The following MTHFD2L variants were observed in gnomAD, a reference collection of about 807,000 sequenced individuals.
The protein encoded by MTHFD2L is bifunctional methylenetetrahydrofolate dehydrogenase/cyclohydrolase 2, mitochondrial.
A neutral mutation model predicts 34.9 loss-of-function variants in MTHFD2L; 29 were observed. That is an observed-to-expected ratio of 0.83 (90% CI 0.62 to 1.13). The LOEUF (loss-of-function observed/expected upper bound fraction) is 1.13, where lower values mean the gene tolerates loss of function less well. MTHFD2L is among the 50% of genes most tolerant of loss of function. The pLI is 0.00. For synonymous variants in MTHFD2L, 167 were observed against 155.7 expected, an observed-to-expected ratio of 1.07 and a Z score of -0.54; for missense variants, 481 against 446.5, an observed-to-expected ratio of 1.08 and a Z score of -0.70.
chr4:74,153,849 G>A (rs1416632229), upstream of MTHFD2L, among the ~76,000 whole-genome samples: 3 of 152,018 alleles, frequency 2.0e-5, no homozygotes, highest in East Asian at 1.9e-4. Context: ...TAGTTTTTCC[G>A]ATTATTAACA....
chr4:74,142,169 G>A (rs982571053), intron 1 of MTHFD2L, among the ~76,000 whole-genome samples: 8 of 152,196 alleles, frequency 5.3e-5, no homozygotes, highest in African/African-American at 1.2e-4. Context: ...GAGCATAGCT[G>A]CACTACAAAA....
At chr4:74,117,106 T>G (rs916835815) in intron 2 of MTHFD2L, among the ~76,000 whole-genome samples, 16 of 152,184 alleles carry the variant, frequency 1.1e-4, no homozygotes, top group African/African-American at 3.9e-4. Flanking sequence ...AAAGGGATTT[T>G]AAAGGGAGAT....
At chr4:74,216,909 C>A (rs1276628401) in intron 5 of MTHFD2L, among the ~76,000 whole-genome samples, 1 of 151,860 alleles carries the variant, frequency 6.6e-6, no homozygotes, top group Admixed American at 6.5e-5. Context: ...TCCCATCTTT[C>A]ATTCACAGTC....
At position 74,174,486 on chromosome 4, in the gene MTHFD2L, T is replaced by G; in HGVS notation, c.144-20T>G. ...TGTTTCTTATTTTCTTTTTAGTATTTATTGTTTTGCTTTCCACAGACATGA... is the reference window on the plus strand; with the variant it reads ...TGTTTCTTATTTTCTTTTTAGTATTGATTGTTTTGCTTTCCACAGACATGA... On this transcript the variant is annotated intron_variant, in intron 1 of 7. Coordinates refer to ENST00000325278, the MANE Select transcript of MTHFD2L (RefSeq NM_001144978.3). The G allele has an allele frequency of 7.1e-7, 1 of 1,415,936 alleles. No individual in the cohort carries two copies. The highest frequency in any genetic ancestry group is 2.7e-5 in the East Asian group (1 of 37,696). 87.7% of individuals were successfully genotyped at this position (1,415,936 alleles called of 1,614,324 possible).
At chr4:74,140,183 A>T (rs1185383408) in intron 1 of MTHFD2L, among the ~76,000 whole-genome samples, 1 of 152,108 alleles carries the variant, frequency 6.6e-6, no homozygotes. Context: ...ACATGCCTGT[A>T]GTCCTAGCTA....
At chr4:74,221,828 T>TA (rs985188558) in intron 5 of MTHFD2L, among the ~76,000 whole-genome samples, 1 of 148,858 alleles carries the variant, frequency 6.7e-6, no homozygotes, top group Non-Finnish European at 1.5e-5. Flanking sequence ...CTTTGTGCAT[T>TA]AAAAAAATAT....
At chr4:74,260,159 G>A (rs1173029628) in intron 6 of MTHFD2L, among the ~76,000 whole-genome samples, 3 of 152,136 alleles carry the variant, frequency 2.0e-5, no homozygotes, top group African/African-American at 7.2e-5. Context: ...CCTATAGCTA[G>A]CATCCCACAG....
Position 74,189,485 on chromosome 4 carries a change from C to CCTTTTTTTTT in MTHFD2L, c.452-10309_452-10308insCTTTTTTTTT, listed in dbSNP as rs1168720652. Reference sequence around the variant, plus strand: ...CATTGAGCAAGCAGTGTTTTTCTTCCTTTTTTTTTTTTTTTTTTTTTTTTT... The same window carrying CCTTTTTTTTT: ...CATTGAGCAAGCAGTGTTTTTCTTCCCTTTTTTTTTTTTTTTTTTTTTTTTTTTTTTTTTT... On this transcript the variant is annotated intron_variant, in intron 3 of 7. Transcript: ENST00000325278. Among the ~76,000 whole-genome samples the CCTTTTTTTTT allele has an allele frequency of 3.8e-3, 450 of 119,728 alleles. 20 individuals are homozygous for CCTTTTTTTTT. Among genetic ancestry groups the CCTTTTTTTTT allele is most frequent in the African/African-American group, 0.011 (281 of 24,668 alleles). 78.5% of individuals were successfully genotyped at this position (119,728 alleles called of 152,430 possible). A position where few individuals can be genotyped will look rare whatever the true frequency, so the allele number is the denominator to read the frequency against.
chr4:74,192,422 G>A (rs1732708886), intron 3 of MTHFD2L, among the ~76,000 whole-genome samples: 1 of 152,044 alleles, frequency 6.6e-6, no homozygotes, highest in South Asian at 2.1e-4. Context: ...TATTTTTGAA[G>A]CATTTAAAGG....
intron 1 of MTHFD2L, among the ~76,000 whole-genome samples, chr4:74,137,126 C>G (rs936413075): frequency 6.6e-6 from 1 of 152,006 alleles, no homozygotes; most frequent in South Asian, 2.1e-4. Flanking sequence ...GGGATTACAT[C>G]AAACTATAAA....
At chr4:74,202,103 C>T (rs1223461701) in intron 5 of MTHFD2L, among the ~76,000 whole-genome samples, 6 of 152,224 alleles carry the variant, frequency 3.9e-5, no homozygotes, top group Admixed American at 6.5e-5. Context: ...ACAGACTCCA[C>T]GCACAGTGCT....
chr4:74,272,305 A>C (rs1345748680), intron 6 of MTHFD2L, among the ~76,000 whole-genome samples: 1 of 152,148 alleles, frequency 6.6e-6, no homozygotes, highest in Non-Finnish European at 1.5e-5. Context: ...GGAAATGCCC[A>C]CCACCTGCAT....
intron 1 of MTHFD2L, among the ~76,000 whole-genome samples, chr4:74,132,950 T>G (rs1722660193): frequency 6.6e-6 from 1 of 152,220 alleles, no homozygotes; most frequent in Non-Finnish European, 1.5e-5. Context: ...TCTGGGGTTG[T>G]GTTCATACTT....
At chr4:74,202,318 C>T (rs1355678402) in intron 5 of MTHFD2L, among the ~76,000 whole-genome samples, 1 of 152,172 alleles carries the variant, frequency 6.6e-6, no homozygotes, top group East Asian at 1.9e-4. Context: ...GTAAACTCTC[C>T]ACATTCCTTT....
chr4:74,280,139 A>C (rs556436156), intron 6 of MTHFD2L: 2 of 152,262 alleles, frequency 1.3e-5, no homozygotes, highest in South Asian at 2.1e-4. Context: ...AGAATAATAA[A>C]GATGATCACA....
At position 74,145,380 on chromosome 4, in the gene MTHFD2L, C is replaced by T. The variant is rs79607247; in HGVS notation, c.-296-14675C>T. Among the ~76,000 whole-genome samples the T allele has an allele frequency of 2.6e-3, 400 of 152,136 alleles. 2 individuals carry two copies. The highest frequency in any genetic ancestry group is 9.1e-3 in the African/African-American group (376 of 41,514). ...GATGTGCATAAGTTCTATGCAAATA[C>T]TTCACCATTTTATATAAAAAGACTT... On this transcript the variant is annotated intron_variant, in intron 1 of 7. Coordinates refer to the MTHFD2L transcript ENST00000433372.
At chr4:74,213,477 G>A (rs1461077724) in intron 5 of MTHFD2L, among the ~76,000 whole-genome samples, 3 of 152,152 alleles carry the variant, frequency 2.0e-5, no homozygotes, top group Non-Finnish European at 4.4e-5. Flanking sequence ...GGCTGGATAT[G>A]AAATTCTGGA....
chr4:74,293,188 C>T lies in MTHFD2L; in HGVS notation c.932-8509C>T, dbSNP rs114604231. ...TTAAGTATTTCTCCTAATGCTATTCCTTCCCTTGCCCTCCACCCCCGACAG... is the reference window on the plus strand; with the variant it reads ...TTAAGTATTTCTCCTAATGCTATTCTTTCCCTTGCCCTCCACCCCCGACAG... On this transcript the variant is annotated intron_variant, in intron 7 of 7. Coordinates refer to ENST00000325278, the MANE Select transcript of MTHFD2L (RefSeq NM_001144978.3). Among the ~76,000 whole-genome samples the T allele has an allele frequency of 7.6e-3, 1,151 of 152,150 alleles. 17 individuals are homozygous for T. The highest frequency in any genetic ancestry group is 0.025 in the African/African-American group (1,058 of 41,508).
At chr4:74,195,202 T>G (rs1733261248) in intron 3 of MTHFD2L, 1 of 152,206 alleles carries the variant, frequency 6.6e-6, no homozygotes, top group African/African-American at 2.4e-5. Flanking sequence ...GTGATGGGAT[T>G]AGACACATAG....
Sources: gnomAD v4.1 joint callset for allele counts (sites outside exome capture counted in the v4.1 genomes callset) on GRCh38, gnomAD v4.1.1 for gene constraint, MANE v1.5 for transcripts, NCBI Gene and HGNC (gene_info 2026-07-23, HGNC 2026-07-21) for gene names.